Variants in MSANTD1 observed in about 807,000 individuals in gnomAD.
The protein encoded by MSANTD1 is Myb/SANT DNA binding domain containing 1.
In MSANTD1, 7 loss-of-function variants were observed where a neutral mutation model predicts 24.2. The ratio of observed to expected loss-of-function variants is 0.29; its 90% CI spans 0.16 to 0.54. The LOEUF is 0.54. Ranked by LOEUF, MSANTD1 falls within the 20% of genes least tolerant of loss-of-function variation. The pLI, the probability that MSANTD1 is intolerant of heterozygous loss-of-function variation, is 0.94. For synonymous variants in MSANTD1, 177 were observed against 181.1 expected (o/e 0.98, Z 0.18); for missense variants, 384 against 408.2 (o/e 0.94, Z 0.51).
intron 2 of MSANTD1, among the ~76,000 whole-genome samples, chr4:3,254,729 C>G (rs1722335446): frequency 6.6e-6 from 1 of 152,232 alleles, no homozygotes; most frequent in Admixed American, 6.5e-5. Context: ...CTTTACTCAC[C>G]ACCTCTACCA....
Position 3,253,419 on chromosome 4 carries a change from A to G in MSANTD1, c.533A>G (p.Tyr178Cys), listed in dbSNP as rs1304046603. 2 of 1,594,740 alleles carry G rather than the reference A, an allele frequency of 1.3e-6. No individual in the cohort carries two copies. Among genetic ancestry groups the G allele is most frequent in the Non-Finnish European group, 1.7e-6 (2 of 1,169,130 alleles). ...PLYFPYNQCSYEGRFEDDRSD... is the reference protein window; with the variant it reads ...PLYFPYNQCSCEGRFEDDRSD... ...TACTTCCCGTATAACCAGTGCTCCTACGAAGGCCGCTTCGAGGATGATCGC... is the reference window on the plus strand; with the variant it reads ...TACTTCCCGTATAACCAGTGCTCCTGCGAAGGCCGCTTCGAGGATGATCGC... The change falls in exon 2 of 3, where the codon TAC (tyrosine) becomes TGC (cysteine). Residue 178 changes from tyrosine to cysteine, a missense_variant. Transcript: ENST00000438480.
intron 1 of MSANTD1, among the ~76,000 whole-genome samples, chr4:3,249,855 C>T (rs1032909376): frequency 6.6e-6 from 1 of 152,088 alleles, no homozygotes; most frequent in Admixed American, 6.5e-5. Flanking sequence ...GACGTATGGG[C>T]GGTCTGGGCA....
chr4:3,244,340 G>A (rs1217520390), upstream of MSANTD1: 1 of 152,322 alleles, frequency 6.6e-6, no homozygotes, highest in Non-Finnish European at 1.5e-5. Flanking sequence ...CTTGGCCCAT[G>A]GCACTGAAGC....
At chr4:3,246,743 G>T, upstream of MSANTD1, 1 of 655,078 alleles carries the variant, frequency 1.5e-6, no homozygotes, top group Non-Finnish European at 2.8e-6. Context: ...GCCTGGTGCT[G>T]CCATCTGCTG....
chr4:3,250,382 A>G (rs3095076), intron 1 of MSANTD1, among the ~76,000 whole-genome samples: 31,829 of 152,114 alleles, frequency 0.21, 3,720 homozygotes, highest in African/African-American at 0.27. Context: ...GTGGTCCCAC[A>G]CACCCAGCAT....
At position 3,254,632 on chromosome 4, in the gene MSANTD1, C is replaced by T. The variant is rs967284258; in HGVS notation, c.597-1093C>T. ...GGGGTCTGTGGGTTTTGGCAGCTCC[C>T]TGCCCTTCAGGGAGGTCTGCTGAGA... On this transcript the variant is annotated intron_variant, in intron 2 of 2. Transcript: ENST00000438480. Among the ~76,000 whole-genome samples the T allele has an allele frequency of 3.9e-5, 6 of 152,220 alleles. No homozygotes were observed. In the East Asian group the frequency reaches 7.7e-4, roughly 20 times the overall value.
At position 3,253,430 on chromosome 4, in the gene MSANTD1, T is replaced by A. The variant is rs1392658366; in HGVS notation, c.544T>A (p.Phe182Ile). ...PYNQCSYEGRFEDDRSDSSSS... is the reference protein window; with the variant it reads ...PYNQCSYEGRIEDDRSDSSSS... Reference sequence around the variant, plus strand: ...TAACCAGTGCTCCTACGAAGGCCGCTTCGAGGATGATCGCTCCGACAGCTC... The same window carrying A: ...TAACCAGTGCTCCTACGAAGGCCGCATCGAGGATGATCGCTCCGACAGCTC... The change falls in exon 2 of 3, where the codon TTC (phenylalanine) becomes ATC (isoleucine). Residue 182 changes from phenylalanine to isoleucine, a missense_variant. Coordinates refer to ENST00000438480, the MANE Select transcript of MSANTD1 (RefSeq NM_001042690.2). 3 of 1,587,626 alleles carry A rather than the reference T, an allele frequency of 1.9e-6. No individual in the cohort carries two copies. In the African/African-American group the frequency reaches 4.0e-5, roughly 21 times the overall value.
intron 2 of MSANTD1, among the ~76,000 whole-genome samples, chr4:3,253,963 G>A (rs973405649): frequency 2.3e-4 from 35 of 152,298 alleles, no homozygotes; most frequent in Admixed American, 2.0e-3. Context: ...ACGTGTTGCC[G>A]TGGGCATGAC....
chr4:3,251,671 C>T (rs1244293832), intron 1 of MSANTD1, among the ~76,000 whole-genome samples: 1 of 150,632 alleles, frequency 6.6e-6, no homozygotes, highest in South Asian at 2.1e-4. Context: ...ATAGCAGAGG[C>T]TTTTCTTTTT....
chr4:3,246,263 C>T (rs890757029), upstream of MSANTD1, among the ~76,000 whole-genome samples: 6 of 152,220 alleles, frequency 3.9e-5, no homozygotes, highest in Admixed American at 2.6e-4. Flanking sequence ...CCCCACCCAT[C>T]TGCACAGGCT....
intron 2 of MSANTD1, 95 bp downstream of exon 2, chr4:3,253,577 CCACAGTGGTTG>C (rs1417646185): frequency 1.5e-6 from 2 of 1,308,588 alleles, no homozygotes; most frequent in African/African-American, 4.7e-5. Flanking sequence ...GCGGCGGCGG[CCACAGTGGTTG>C]CAGAGGCCGT....
chr4:3,255,625 T>G (rs1259178982), intron 2 of MSANTD1, 100 bp from the exon 3 acceptor site: 49 of 1,393,796 alleles, frequency 3.5e-5, no homozygotes, highest in Non-Finnish European at 6.6e-6. Context: ...GGCCTCAGTT[T>G]CCCCATTTGC....
chr4:3,250,514 A>AAGGTC (rs1368033594), intron 1 of MSANTD1, among the ~76,000 whole-genome samples: 1 of 152,046 alleles, frequency 6.6e-6, no homozygotes, highest in African/African-American at 2.4e-5. Context: ...GCAGGGTGTG[A>AAGGTC]AGGTCATAGG....
rs1041183347 is a variant in MSANTD1, at chr4:3,253,429, C to T, written c.543C>T (p.Arg181=). 36 of 1,589,148 alleles carry T rather than the reference C, an allele frequency of 2.3e-5. No homozygotes were observed. The highest frequency in any genetic ancestry group is 2.7e-5 in the Non-Finnish European group (32 of 1,165,582). ...ATAACCAGTGCTCCTACGAAGGCCGCTTCGAGGATGATCGCTCCGACAGCT... is the reference window on the plus strand; with the variant it reads ...ATAACCAGTGCTCCTACGAAGGCCGTTTCGAGGATGATCGCTCCGACAGCT... ...FPYNQCSYEG[R]FEDDRSDSSS... The change falls in exon 2 of 3, where the codon CGC becomes CGT. Residue 181 remains arginine (R), a synonymous_variant. Transcript: ENST00000438480.
upstream of MSANTD1, chr4:3,248,569 G>C (rs1026636998): frequency 1.3e-5 from 2 of 152,378 alleles, no homozygotes; most frequent in Non-Finnish European, 2.9e-5. Flanking sequence ...TGACCAACCC[G>C]GGCTTCCAGT....
In MSANTD1 at chr4:3,256,170, A is replaced by C. The variant is rs1390079506; in HGVS notation, c.*205A>C. ...GGACCGTGAGGCTCCAGTCTCCAGC[A>C]TGAATGCCCTTCCTCGGACACAGGC... On this transcript the variant is annotated 3_prime_UTR_variant, in exon 3 of 3. Coordinates refer to ENST00000438480, the MANE Select transcript of MSANTD1 (RefSeq NM_001042690.2). 9.1e-6 allele frequency: 5 copies of C among 551,282 alleles called. No individual in the cohort carries two copies. Among genetic ancestry groups the C allele is most frequent in the Non-Finnish European group, 1.2e-5 (4 of 334,708 alleles). The allele number at this position is 551,282 out of a possible 1,614,324, so 34.1% of individuals were successfully genotyped here.
At position 3,255,998 on chromosome 4, in the gene MSANTD1, G is replaced by A. The variant is rs1400143457; in HGVS notation, c.*33G>A. Reference sequence around the variant, plus strand: ...GGCGGCGGCGGCGGCGGGGCCGGGCGGCTGGTGGTACTGCTCAGGCCACCC... The same window carrying A: ...GGCGGCGGCGGCGGCGGGGCCGGGCAGCTGGTGGTACTGCTCAGGCCACCC... On this transcript the variant is annotated 3_prime_UTR_variant, in exon 3 of 3. Coordinates refer to ENST00000438480, the MANE Select transcript of MSANTD1 (RefSeq NM_001042690.2). 27 of 1,480,708 alleles carry A rather than the reference G, an allele frequency of 1.8e-5. No individual in the cohort carries two copies. Among genetic ancestry groups the A allele is most frequent in the Non-Finnish European group, 2.0e-5 (22 of 1,117,590 alleles). The allele number at this position is 1,480,708 out of a possible 1,614,324, so 91.7% of individuals were successfully genotyped here.
chr4:3,250,237 G>T (rs747288006), intron 1 of MSANTD1, among the ~76,000 whole-genome samples: 1 of 152,218 alleles, frequency 6.6e-6, no homozygotes, highest in Admixed American at 6.5e-5. Context: ...GACTCCCAGC[G>T]TGGGGGCTCC....
Position 3,256,040 on chromosome 4 carries a change from G to A in MSANTD1, c.*75G>A. The stretch of plus-strand genomic sequence containing the variant: ...AGGCCACCCAGGGCAGGCCACTCAG[G>A]CCAGGCGGGCAAGGGGGCCGCCCCG... On this transcript the variant is annotated 3_prime_UTR_variant, in exon 3 of 3. Coordinates refer to ENST00000438480, the MANE Select transcript of MSANTD1 (RefSeq NM_001042690.2). 2 of 1,404,124 alleles carry A rather than the reference G, an allele frequency of 1.4e-6. No homozygotes were observed. Among genetic ancestry groups the A allele is most frequent in the Non-Finnish European group, 1.8e-6 (2 of 1,084,726 alleles). The allele number at this position is 1,404,124 out of a possible 1,614,324, so 87.0% of individuals were successfully genotyped here.
Sources: allele counts gnomAD v4.1 joint callset (sites outside exome capture counted in the v4.1 genomes callset), GRCh38; gene constraint gnomAD v4.1.1; transcripts MANE v1.5; gene names NCBI Gene and HGNC (gene_info 2026-07-23, HGNC 2026-07-21).